CNTN5: variants seen among roughly 807,000 people sequenced by gnomAD.
CNTN5 encodes contactin-5.
CNTN5 carries 77 observed loss-of-function variants against 129.1 expected under a neutral mutation model. The observed-to-expected ratio is 0.60, with a 90% CI of 0.50 to 0.72. The LOEUF (loss-of-function observed/expected upper bound fraction) is 0.72. Among genes scored for constraint, CNTN5 ranks in the 30% least tolerant of loss-of-function variants. The pLI, the probability that CNTN5 is intolerant of heterozygous loss-of-function variation, is 0.00. For missense variants in CNTN5, 1,478 were observed against 1,328.8 expected, an observed-to-expected ratio of 1.11 and a Z score of -1.75; for synonymous variants, 509 against 465.6, an observed-to-expected ratio of 1.09 and a Z score of -1.20.
At chr11:99,623,350 A>T (rs1266579351) in intron 3 of CNTN5, among the ~76,000 whole-genome samples, 1 of 152,100 alleles carries the variant, frequency 6.6e-6, no homozygotes, top group Non-Finnish European at 1.5e-5. Context: ...TATGGTCAAG[A>T]TACTATCTTT....
intron 3 of CNTN5, among the ~76,000 whole-genome samples, chr11:99,627,271 G>C (rs931608059): frequency 2.6e-5 from 4 of 152,028 alleles, no homozygotes; most frequent in Admixed American, 6.6e-5. Context: ...TAAAGCCTCT[G>C]TTTCTCCATA....
intron 3 of CNTN5, among the ~76,000 whole-genome samples, chr11:99,633,921 G>T (rs1392665866): frequency 6.6e-6 from 1 of 152,182 alleles, no homozygotes; most frequent in Non-Finnish European, 1.5e-5. Context: ...TACAGGACAC[G>T]TGTGCCAGCG....
At chr11:99,024,668 C>A (rs1863032766) in intron 1 of CNTN5, among the ~76,000 whole-genome samples, 1 of 151,980 alleles carries the variant, frequency 6.6e-6, no homozygotes, top group African/African-American at 2.4e-5. Flanking sequence ...AACATAAGCT[C>A]ATACGTGTTA....
At chr11:99,984,299 G>A (rs1288341839) in intron 8 of CNTN5, among the ~76,000 whole-genome samples, 1 of 149,766 alleles carries the variant, frequency 6.7e-6, no homozygotes, top group Non-Finnish European at 1.5e-5. Context: ...AGAAAAGAAT[G>A]GGAAAGAGAG....
At chr11:99,747,017 A>C (rs934075531) in intron 3 of CNTN5, among the ~76,000 whole-genome samples, 5 of 152,226 alleles carry the variant, frequency 3.3e-5, no homozygotes, top group Non-Finnish European at 5.9e-5. Context: ...TGGATAGTAC[A>C]GACATTGCAA....
chr11:99,258,860 A>G (rs1296945978), intron 1 of CNTN5, among the ~76,000 whole-genome samples: 1 of 152,000 alleles, frequency 6.6e-6, no homozygotes, highest in Non-Finnish European at 1.5e-5. Context: ...AAATTATTTT[A>G]TAATTACAAA....
At chr11:100,319,720 C>G (rs1951647291) in intron 21 of CNTN5, among the ~76,000 whole-genome samples, 1 of 152,274 alleles carries the variant, frequency 6.6e-6, no homozygotes, top group South Asian at 2.1e-4. Context: ...CCCAATCATT[C>G]TCACCCTGAT....
At chr11:99,349,054 G>A (rs989816279) in intron 2 of CNTN5, among the ~76,000 whole-genome samples, 2 of 152,170 alleles carry the variant, frequency 1.3e-5, no homozygotes, top group Admixed American at 6.5e-5. Context: ...TAAATTACAT[G>A]GTTATTAGAT....
At position 99,734,957 on chromosome 11, in the gene CNTN5, G is replaced by C. The variant is rs181910815; in HGVS notation, c.56-84587G>C. Among the ~76,000 whole-genome samples, 8 of 152,336 alleles carry C rather than the reference G, an allele frequency of 5.3e-5. No individual in the cohort carries two copies. In the East Asian group the frequency reaches 7.7e-4, roughly 15 times the overall value. ...CGGGAGGCGGAGCTTGCAGTGAGCC[G>C]AGATAGCACCACTGCAGTCCGCCCT... On this transcript the variant is annotated intron_variant, in intron 3 of 24. Transcript: ENST00000524871.
At chr11:99,794,717 AATT>A (rs1236966890) in intron 3 of CNTN5, among the ~76,000 whole-genome samples, 2 of 152,086 alleles carry the variant, frequency 1.3e-5, no homozygotes, top group South Asian at 2.1e-4. Flanking sequence ...CTTGGTTGGA[AATT>A]ATTTTCTTTA....
intron 2 of CNTN5, among the ~76,000 whole-genome samples, chr11:99,348,752 TAC>T (rs1371297499): frequency 6.6e-6 from 1 of 152,218 alleles, no homozygotes; most frequent in Non-Finnish European, 1.5e-5. Context: ...TATATTATAA[TAC>T]ATGTAAGATC....
chr11:99,415,738 C>T lies in CNTN5; in HGVS notation c.-71+90254C>T, dbSNP rs187194337. 3.2e-3 allele frequency among the ~76,000 whole-genome samples: 489 copies of T among 152,218 alleles called. 16 individuals carry two copies. Among genetic ancestry groups the T allele is most frequent in the Admixed American group, 0.03 (453 of 15,280 alleles). The stretch of plus-strand genomic sequence containing the variant: ...ATCATTTTCTGGGCCCCAATAAGAC[C>T]TAGCACCACCAAAATGTGAACTAAT... On this transcript the variant is annotated intron_variant, in intron 2 of 24. Transcript: ENST00000524871.
At chr11:99,463,369 C>T (rs1433743846) in intron 2 of CNTN5, among the ~76,000 whole-genome samples, 3 of 139,200 alleles carry the variant, frequency 2.2e-5, no homozygotes, top group African/African-American at 8.0e-5. Flanking sequence ...ACCCGGGAGG[C>T]GGAGCTTACA....
chr11:99,521,397 G>A (rs1947270183), intron 2 of CNTN5, among the ~76,000 whole-genome samples: 3 of 152,066 alleles, frequency 2.0e-5, no homozygotes, highest in South Asian at 4.1e-4. Context: ...TTCTTTTTAA[G>A]TTTGATACCA....
rs71463600 is a variant in CNTN5, at chr11:99,947,036, T to TTCATCATAAATATGATGTAA, written c.674-9770_674-9769insTCATCATAAATATGATGTAA. Among the ~76,000 whole-genome samples, 881 of 151,420 alleles carry TTCATCATAAATATGATGTAA rather than the reference T, an allele frequency of 5.8e-3. 8 individuals carry two copies. The highest frequency in any genetic ancestry group is 0.02 in the African/African-American group (830 of 41,434). The stretch of plus-strand genomic sequence containing the variant: ...CATGATTATGAAAATGAGTATGTTT[T>TTCATCATAAATATGATGTAA]ACATTATAAATGTGATTATGATATA... On this transcript the variant is annotated intron_variant, in intron 7 of 24. Coordinates refer to ENST00000524871, the MANE Select transcript of CNTN5 (RefSeq NM_014361.4).
rs576900436 is a variant in CNTN5, at chr11:100,122,000, GATTT to G, written c.1580+47710_1580+47713del. The stretch of plus-strand genomic sequence containing the variant: ...TACGGGTAGAGAGAAAGAGAGAGAG[GATTT>G]ATTAGGGTAATTTCTTCCAGATAGA... On this transcript the variant is annotated intron_variant, in intron 13 of 24. Transcript: ENST00000524871. Among the ~76,000 whole-genome samples, 20 of 151,836 alleles carry G rather than the reference GATTT, an allele frequency of 1.3e-4. No homozygotes were observed. In the South Asian group the frequency reaches 2.5e-3, roughly 19 times the overall value.
chr11:100,012,602 A>C (rs542935615), intron 9 of CNTN5, among the ~76,000 whole-genome samples: 150 of 152,278 alleles, frequency 9.9e-4, no homozygotes, highest in African/African-American at 3.5e-3. Context: ...CTCAGGAGAG[A>C]AACTGTATAC....
intron 1 of CNTN5, among the ~76,000 whole-genome samples, chr11:99,135,147 T>G (rs555529403): frequency 9.9e-5 from 15 of 152,190 alleles, no homozygotes; most frequent in Non-Finnish European, 1.8e-4. Flanking sequence ...TGTTGGCTAA[T>G]CAGCAAGAAG....
intron 4 of CNTN5, among the ~76,000 whole-genome samples, chr11:99,838,300 C>T (rs555627774): frequency 2.0e-5 from 3 of 152,208 alleles, no homozygotes; most frequent in African/African-American, 7.2e-5. Context: ...AAGCTTATGG[C>T]CCTATGATAG....
Sources: gnomAD v4.1 joint callset for allele counts (sites outside exome capture counted in the v4.1 genomes callset) on GRCh38, gnomAD v4.1.1 for gene constraint, MANE v1.5 for transcripts, NCBI Gene and HGNC (gene_info 2026-07-23, HGNC 2026-07-21) for gene names.